TPM3: variants seen among roughly 807,000 people sequenced by gnomAD.
The protein encoded by TPM3 is tropomyosin 3.
Under a neutral mutation model 43.1 loss-of-function variants are expected in TPM3, and 16 were observed. The ratio of observed to expected loss-of-function variants is 0.37; its 90% CI spans 0.25 to 0.56. TPM3 has a LOEUF of 0.56. TPM3 is among the 20% of genes least tolerant of loss of function. The pLI is 0.77. For synonymous variants in TPM3, 101 were observed against 116.9 expected, an observed-to-expected ratio of 0.86 and a Z score of 0.88; for missense variants, 176 against 337.2, an observed-to-expected ratio of 0.52 and a Z score of 3.74.
intron 2 of TPM3, among the ~76,000 whole-genome samples, chr1:154,179,482 C>A (rs1052273207): frequency 1.3e-5 from 2 of 152,104 alleles, no homozygotes; most frequent in Non-Finnish European, 2.9e-5. Context: ...AGGATTAAGG[C>A]CAGAATCAAA....
intron 9 of TPM3, among the ~76,000 whole-genome samples, chr1:154,168,464 T>C (rs1661224953): frequency 6.6e-6 from 1 of 152,124 alleles, no homozygotes; most frequent in Non-Finnish European, 1.5e-5. Flanking sequence ...AAACTATGAA[T>C]ACAAAATATA....
intron 5 of TPM3, chr1:154,172,145 G>C: frequency 6.2e-7 from 1 of 1,605,618 alleles, no homozygotes; most frequent in Non-Finnish European, 8.5e-7. Context: ...GCCAGGTTGT[G>C]GGGAGGGAGA....
At chr1:154,171,352 C>T (rs1661553350) in intron 6 of TPM3, 61 bp downstream of exon 6, 1 of 1,576,704 alleles carries the variant, frequency 6.3e-7, no homozygotes, top group African/African-American at 1.3e-5. Flanking sequence ...TCCAGTCTTT[C>T]ATCAAGGGCA....
chr1:154,181,786 T>C (rs1662977055), intron 2 of TPM3, among the ~76,000 whole-genome samples: 1 of 151,992 alleles, frequency 6.6e-6, no homozygotes, highest in South Asian at 2.1e-4. Context: ...CCAGACTTGG[T>C]GGCGGGCACC....
chr1:154,158,785 AAACTTCACAATGGTC>A (rs1660063864), downstream of TPM3: 6 of 615,098 alleles, frequency 9.8e-6, no homozygotes, highest in South Asian at 5.2e-5. Flanking sequence ...AAAGGGACAG[AAACTTCACAATGGTC>A]AACTTCACAA....
intron 8 of TPM3, 77 bp from the exon 9 acceptor site, chr1:154,169,460 T>A: frequency 4.2e-6 from 6 of 1,440,704 alleles, no homozygotes; most frequent in Non-Finnish European, 5.9e-6. Flanking sequence ...AGAGAGGGAA[T>A]CATTAGAAAT....
chr1:154,172,544 C>T, intron 5 of TPM3: 1 of 471,112 alleles, frequency 2.1e-6, no homozygotes, highest in East Asian at 5.7e-5. Flanking sequence ...AGGTTTGAGC[C>T]ACCACACCCA....
chr1:154,178,222 G>GGGGC, intron 2 of TPM3: 1 of 984,812 alleles, frequency 1.0e-6, no homozygotes, highest in Non-Finnish European at 1.2e-6. Context: ...AACAGGCTAT[G>GGGGC]GGGCGGGGGT....
rs1660982597 is a variant in TPM3 at position 154,166,518 on chromosome 1, A to C, written c.*1419T>G. On this transcript the variant is annotated 3_prime_UTR_variant, in exon 10 of 10. Coordinates refer to ENST00000651641, the MANE Select transcript of TPM3 (RefSeq NM_152263.4). The stretch of plus-strand genomic sequence containing the variant: ...CTGCCTCAGCCTCCCAAGAAGCTAC[A>C]GGCAGTACAGGCAAGTGCCATTGCA... 9.5e-7 allele frequency: 1 copy of C among 1,054,878 alleles called. No homozygotes were observed. Among genetic ancestry groups the C allele is most frequent in the Non-Finnish European group, 1.1e-6 (1 of 872,376 alleles). 65.3% of individuals were successfully genotyped at this position (1,054,878 alleles called of 1,614,324 possible). A position where few individuals can be genotyped will look rare whatever the true frequency, so the allele number is the denominator to read the frequency against.
At chr1:154,156,343 A>G (rs1659807019), downstream of TPM3, 3 of 186,162 alleles carry the variant, frequency 1.6e-5, no homozygotes, top group South Asian at 5.9e-4. Context: ...TTAATAAATA[A>G]AAGTCAAATA....
At chr1:154,184,377 C>T (rs548949816) in intron 2 of TPM3, among the ~76,000 whole-genome samples, 2 of 152,218 alleles carry the variant, frequency 1.3e-5, no homozygotes, top group South Asian at 4.1e-4. Context: ...CCCTCCAAAC[C>T]TTGGAATGAT....
intron 2 of TPM3, chr1:154,178,124 C>T (rs374048360): frequency 3.7e-5 from 36 of 985,238 alleles, no homozygotes; most frequent in Non-Finnish European, 4.0e-5. Context: ...CCCCCTCAGA[C>T]GAAAAATACA....
chr1:154,169,249 A>AC lies in TPM3; in HGVS notation c.854+55dup, dbSNP rs943845686. On this transcript the variant is annotated intron_variant, in intron 9 of 9. Coordinates refer to ENST00000651641, the MANE Select transcript of TPM3 (RefSeq NM_152263.4). ...AAGCACACCACTATGCATAGCTTGTACCCCCATCCACCCACAAGCCAAGAT... is the reference window on the plus strand; with the variant it reads ...AAGCACACCACTATGCATAGCTTGTACCCCCCATCCACCCACAAGCCAAGAT... 8.5e-6 allele frequency: 13 copies of AC among 1,525,416 alleles called. No homozygotes were observed. In the African/African-American group the frequency reaches 1.8e-4, roughly 21 times the overall value. The allele number at this position is 1,525,416 out of a possible 1,614,324, so 94.5% of individuals were successfully genotyped here. A position where few individuals can be genotyped will look rare whatever the true frequency, so the allele number is the denominator to read the frequency against.
At position 154,162,936 on chromosome 1, in the gene TPM3, G is replaced by A. The variant is rs768512018; in HGVS notation, c.*5001C>T. Among the ~76,000 whole-genome samples, 1 of 151,574 alleles carries A rather than the reference G, an allele frequency of 6.6e-6. No homozygotes were observed. Among genetic ancestry groups the A allele is most frequent in the Non-Finnish European group, 1.5e-5 (1 of 67,918 alleles). On this transcript the variant is annotated 3_prime_UTR_variant, in exon 10 of 10. Transcript: ENST00000651641. ...TTTTTCTCTCCTGCCTCAGCCTCTC[G>A]AGTAGTTGGGACTACAGGCATGTGC...
chr1:154,188,462 T>C (rs1443604252), intron 2 of TPM3, among the ~76,000 whole-genome samples: 2 of 149,760 alleles, frequency 1.3e-5, no homozygotes, highest in Non-Finnish European at 3.0e-5. Flanking sequence ...GATCACAAGG[T>C]GAGGAGATCG....
chr1:154,161,437 CTT>C (rs966387714), downstream of TPM3, among the ~76,000 whole-genome samples: 309 of 113,396 alleles, frequency 2.7e-3, 2 homozygotes, highest in Middle Eastern at 0.014. Flanking sequence ...TATCAGGATC[CTT>C]TTTTTTTTTT....
In TPM3 at chr1:154,174,368, G is replaced by GTATATATATA. The variant is rs34224787; in HGVS notation, c.378-1177_378-1168dup. Reference sequence around the variant, plus strand: ...AAATAAATATTATTTAAATATATGTGTATATATATATATATATATATATAT... The same window carrying GTATATATATA: ...AAATAAATATTATTTAAATATATGTGTATATATATATATATATATATATATATATATATAT... On this transcript the variant is annotated intron_variant, in intron 3 of 9. Coordinates refer to ENST00000651641, the MANE Select transcript of TPM3 (RefSeq NM_152263.4). Among the ~76,000 whole-genome samples, 435 of 46,282 alleles carry GTATATATATA rather than the reference G, an allele frequency of 9.4e-3. 25 individuals carry two copies. The highest frequency in any genetic ancestry group is 0.014 in the Non-Finnish European group (319 of 23,274). 30.4% of individuals were successfully genotyped at this position (46,282 alleles called of 152,430 possible).
intron 2 of TPM3, among the ~76,000 whole-genome samples, chr1:154,180,761 AAAT>A (rs1422240155): frequency 2.0e-5 from 3 of 152,022 alleles, no homozygotes; most frequent in South Asian, 4.2e-4. Context: ...TAAAAAAATA[AAAT>A]AATAAAAAAA....
intron 6 of TPM3, 197 bp from the exon 7 acceptor site, chr1:154,170,908 C>A: frequency 1.7e-6 from 1 of 603,380 alleles, no homozygotes; most frequent in Non-Finnish European, 2.9e-6. Context: ...ATGAGATCCT[C>A]AGGTTAAAAT....
Sources: allele counts gnomAD v4.1 joint callset (sites outside exome capture counted in the v4.1 genomes callset), GRCh38; gene constraint gnomAD v4.1.1; transcripts MANE v1.5; gene names NCBI Gene and HGNC (gene_info 2026-07-23, HGNC 2026-07-21).